LAMC3: variants seen among roughly 807,000 people sequenced by gnomAD.
LAMC3 encodes laminin subunit gamma-3.
A neutral mutation model predicts 173.8 loss-of-function variants in LAMC3; 128 were observed. The observed-to-expected ratio is 0.74, with a 90% CI of 0.64 to 0.85. The LOEUF is 0.85. Among genes scored for constraint, LAMC3 ranks in the 40% least tolerant of loss-of-function variants. LAMC3 has a pLI of 0.00. For synonymous variants in LAMC3, 897 were observed against 909.1 expected, an observed-to-expected ratio of 0.99 and a Z score of 0.24; for missense variants, 2,022 against 2,156.0, an observed-to-expected ratio of 0.94 and a Z score of 1.23.
intron 13 of LAMC3, among the ~76,000 whole-genome samples, chr9:131,064,648 A>T (rs1174783384): frequency 7.0e-6 from 1 of 143,428 alleles, no homozygotes; most frequent in Admixed American, 7.1e-5. Flanking sequence ...TGGGTGAAAG[A>T]GCGAGACTCC....
intron 2 of LAMC3, among the ~76,000 whole-genome samples, chr9:131,027,370 A>C (rs1833740670): frequency 6.6e-6 from 1 of 152,220 alleles, no homozygotes; most frequent in African/African-American, 2.4e-5. Flanking sequence ...GTGAATTAGT[A>C]ACAGGGCCTG....
At chr9:131,074,141 G>A (rs1469398968) in intron 20 of LAMC3, among the ~76,000 whole-genome samples, 1 of 150,592 alleles carries the variant, frequency 6.6e-6, no homozygotes, top group African/African-American at 2.4e-5. Context: ...TAGAGATGGG[G>A]GTTTCACTGT....
chr9:131,023,894 G>T (rs1833673976), intron 1 of LAMC3, among the ~76,000 whole-genome samples: 1 of 151,964 alleles, frequency 6.6e-6, no homozygotes, highest in Non-Finnish European at 1.5e-5. Context: ...TGAGTTGTAA[G>T]AATTCTTTAT....
intron 6 of LAMC3, 78 bp from the exon 7 acceptor site, chr9:131,041,558 AG>A: frequency 7.9e-7 from 1 of 1,264,292 alleles, no homozygotes; most frequent in Non-Finnish European, 1.1e-6. Context: ...CAGCAGGGAA[AG>A]CTCCCTTCCT....
At chr9:131,052,018 G>A (rs562655026) in intron 9 of LAMC3, among the ~76,000 whole-genome samples, 12 of 152,248 alleles carry the variant, frequency 7.9e-5, no homozygotes, top group Non-Finnish European at 1.0e-4. Context: ...AGCATGGCCC[G>A]GGGCCCAGAG....
chr9:131,071,708 G>A, intron 18 of LAMC3, 83 bp downstream of exon 18: 1 of 1,425,194 alleles, frequency 7.0e-7, no homozygotes, highest in South Asian at 1.5e-5. Flanking sequence ...GGATGCTTTG[G>A]GGGCCCTCCC....
chr9:131,032,176 G>T lies in LAMC3; in HGVS notation c.809+1G>T, dbSNP rs1185339491. 2 of 1,596,286 alleles carry T rather than the reference G, an allele frequency of 1.3e-6. No homozygotes were observed. The highest frequency in any genetic ancestry group is 2.2e-5 in the South Asian group (2 of 90,860). On this transcript the variant is annotated splice_donor_variant, in intron 3 of 27. Coordinates refer to ENST00000361069, the MANE Select transcript of LAMC3 (RefSeq NM_006059.4). LOFTEE classifies it high-confidence loss of function. ...TGTCCGACTTCTCTGTGGGCGGCAGGTAGGAGGGAGGAGGGAGGCAGGGTG... is the reference window on the plus strand; with the variant it reads ...TGTCCGACTTCTCTGTGGGCGGCAGTTAGGAGGGAGGAGGGAGGCAGGGTG...
At chr9:131,076,065 G>T in intron 21 of LAMC3, 100 bp downstream of exon 21, 1 of 1,217,104 alleles carries the variant, frequency 8.2e-7, no homozygotes, top group East Asian at 2.5e-5. Flanking sequence ...GCTCCCTTGA[G>T]TCCTGACGTT....
intron 2 of LAMC3, among the ~76,000 whole-genome samples, chr9:131,031,787 C>T (rs976981924): frequency 6.6e-6 from 1 of 152,162 alleles, no homozygotes; most frequent in Non-Finnish European, 1.5e-5. Context: ...ATTTTTGTTC[C>T]AATTCACAGA....
At chr9:131,060,590 GC>G (rs1261158512) in intron 12 of LAMC3, among the ~76,000 whole-genome samples, 2 of 152,052 alleles carry the variant, frequency 1.3e-5, no homozygotes, top group Non-Finnish European at 2.9e-5. Flanking sequence ...GTTGCAGTGA[GC>G]CAAATTGCAC....
chr9:131,060,073 G>C (rs1000746950), intron 12 of LAMC3, among the ~76,000 whole-genome samples: 1 of 152,124 alleles, frequency 6.6e-6, no homozygotes, highest in South Asian at 2.1e-4. Flanking sequence ...AGGTGCAGTC[G>C]GCCTGGGGAA....
chr9:131,058,477 C>T (rs978876336), intron 12 of LAMC3, among the ~76,000 whole-genome samples: 4 of 152,084 alleles, frequency 2.6e-5, no homozygotes, highest in African/African-American at 9.7e-5. Flanking sequence ...CAGGAGGCAC[C>T]TGAGAAGGCT....
chr9:131,068,060 T>C lies in LAMC3; in HGVS notation c.2594-18T>C. On this transcript the variant is annotated intron_variant, in intron 14 of 27. Coordinates refer to ENST00000361069, the MANE Select transcript of LAMC3 (RefSeq NM_006059.4). Reference sequence around the variant, plus strand: ...AATCTGCATTGTTCCCAACACCCCTTCCTGCTCCTGCCCCCAGCTTGCAGC... The same window carrying C: ...AATCTGCATTGTTCCCAACACCCCTCCCTGCTCCTGCCCCCAGCTTGCAGC... The C allele has an allele frequency of 6.2e-7, 1 of 1,607,476 alleles. No individual in the cohort carries two copies. The highest frequency in any genetic ancestry group is 8.5e-7 in the Non-Finnish European group (1 of 1,179,986).
In LAMC3 at chr9:131,087,759, A is replaced by G. The variant is rs910026262; in HGVS notation, c.4419A>G (p.Glu1473=). The G allele has an allele frequency of 3.1e-6, 5 of 1,614,022 alleles. No individual in the cohort carries two copies. In the African/African-American group the frequency reaches 5.3e-5, roughly 17 times the overall value. Residue 1473 remains glutamate, a synonymous_variant, in exon 27 of 28, where the codon GAA becomes GAG. Coordinates refer to ENST00000361069, the MANE Select transcript of LAMC3 (RefSeq NM_006059.4). ...GCGAGATGGAGCAGCAGATCCGGGA[A>G]TCGCGTATCTCACTGGAGAAGGACA... The part of the protein sequence containing the change: ...GLSEMEQQIR[E]SRISLEKDIE...
rs932488079 is a variant in LAMC3 at position 131,026,222 on chromosome 9, C to G, written c.374-63C>G. Reference sequence around the variant, plus strand: ...CCTGCAATGCAGCCGTCTGTCCTTCCTAGACCAGGATTCCATACCTCCTTC... The same window carrying G: ...CCTGCAATGCAGCCGTCTGTCCTTCGTAGACCAGGATTCCATACCTCCTTC... On this transcript the variant is annotated intron_variant, in intron 1 of 27. Coordinates refer to ENST00000361069, the MANE Select transcript of LAMC3 (RefSeq NM_006059.4). The surrounding 1 kb of genome is among the most constrained non-coding windows in gnomAD (Gnocchi z 4.8). 3.1e-6 allele frequency: 5 copies of G among 1,605,562 alleles called. No individual in the cohort carries two copies. The highest frequency in any genetic ancestry group is 4.2e-6 in the Non-Finnish European group (5 of 1,176,480).
intron 1 of LAMC3, among the ~76,000 whole-genome samples, chr9:131,013,070 C>T (rs1564361239): frequency 2.6e-5 from 4 of 152,174 alleles, no homozygotes; most frequent in Admixed American, 6.5e-5. Context: ...CAGACCATTC[C>T]GGGGCTCTCA....
chr9:131,017,883 A>G lies in LAMC3; in HGVS notation c.373+8296A>G, dbSNP rs573260689. On this transcript the variant is annotated intron_variant, in intron 1 of 27. Coordinates refer to ENST00000361069, the MANE Select transcript of LAMC3 (RefSeq NM_006059.4). ...TCTACTAAAAATACAAAAATTAGCC[A>G]GGTGTGGTGGCGTGTGCCTGTAATC... Among the ~76,000 whole-genome samples the G allele has an allele frequency of 2.0e-5, 3 of 151,784 alleles. No individual in the cohort carries two copies. In the South Asian group the frequency reaches 6.3e-4, roughly 32 times the overall value.
At chr9:131,034,262 C>T (rs1321446331) in intron 3 of LAMC3, among the ~76,000 whole-genome samples, 1 of 152,202 alleles carries the variant, frequency 6.6e-6, no homozygotes, top group African/African-American at 2.4e-5. Flanking sequence ...TACAGCACCC[C>T]CTCCAAGGCA....
At chr9:131,040,947 GA>G (rs1311671003) in intron 6 of LAMC3, among the ~76,000 whole-genome samples, 1 of 152,210 alleles carries the variant, frequency 6.6e-6, no homozygotes, top group Non-Finnish European at 1.5e-5. Context: ...CTTATTAGAT[GA>G]GTGGATGGAT....
Sources: gnomAD v4.1 joint callset for allele counts (sites outside exome capture counted in the v4.1 genomes callset) on GRCh38, gnomAD v4.1.1 for gene constraint, Gnocchi (gnomAD v3.1) non-coding constraint, MANE v1.5 for transcripts, NCBI Gene and HGNC (gene_info 2026-07-23, HGNC 2026-07-21) for gene names.